Variants in AQR observed in about 807,000 individuals in gnomAD.
AQR encodes the protein aquarius intron-binding spliceosomal factor.
In AQR, 61 loss-of-function variants were observed where a neutral mutation model predicts 180.5. That is an observed-to-expected ratio of 0.34 (90% CI 0.28 to 0.42). AQR has a LOEUF of 0.42. Ranked by LOEUF, AQR falls within the 10% of genes least tolerant of loss-of-function variation. The probability of loss-of-function intolerance (pLI) is 1.00; values close to 1 mark genes in which losing one functional copy is unlikely to be tolerated. For synonymous variants in AQR, 551 were observed against 588.8 expected (o/e 0.94, Z 0.93); for missense variants, 1,281 against 1,798.3 (o/e 0.71, Z 5.20).
At chr15:34,939,079 T>G (rs1893985956) in intron 8 of AQR, among the ~76,000 whole-genome samples, 1 of 152,180 alleles carries the variant, frequency 6.6e-6, no homozygotes, top group African/African-American at 2.4e-5. Flanking sequence ...TCTGCTTTTT[T>G]TGTTTTTGAG....
At chr15:34,874,061 A>G in intron 29 of AQR, 62 bp from the exon 30 acceptor site, 4 of 1,409,836 alleles carry the variant, frequency 2.8e-6, no homozygotes, top group Non-Finnish European at 3.8e-6. Flanking sequence ...CTCTTTTAAT[A>G]TACATAAGGA....
At chr15:34,942,149 A>C in intron 6 of AQR, 69 bp from the exon 7 acceptor site, 1 of 1,195,274 alleles carries the variant, frequency 8.4e-7, no homozygotes, top group Non-Finnish European at 1.2e-6. Context: ...TTACATAAGA[A>C]GTATACTGCC....
intron 27 of AQR, among the ~76,000 whole-genome samples, chr15:34,877,214 T>C (rs7178063): frequency 0.027 from 4,133 of 152,344 alleles, 198 homozygotes; most frequent in African/African-American, 0.093. Context: ...ATATGTTTTA[T>C]CTTTCCTATT....
At chr15:34,895,886 G>A (rs1294509113) in intron 22 of AQR, among the ~76,000 whole-genome samples, 1 of 152,064 alleles carries the variant, frequency 6.6e-6, no homozygotes, top group Non-Finnish European at 1.5e-5. Context: ...ACCTACTCCA[G>A]AACAACAGAA....
chr15:34,959,045 G>A (rs960535924), intron 3 of AQR, among the ~76,000 whole-genome samples: 23 of 151,956 alleles, frequency 1.5e-4, no homozygotes, highest in Middle Eastern at 3.4e-3. Flanking sequence ...CTGTCTGTCC[G>A]TCTGTCTGAC....
intron 25 of AQR, among the ~76,000 whole-genome samples, chr15:34,885,610 T>C (rs1453994106): frequency 6.6e-6 from 1 of 152,196 alleles, no homozygotes. Context: ...AATTTATAGG[T>C]TATTTTTCCC....
intron 22 of AQR, 97 bp from the exon 23 acceptor site, chr15:34,893,870 C>T: frequency 9.8e-7 from 1 of 1,021,910 alleles, no homozygotes; most frequent in African/African-American, 1.6e-5. Context: ...ATAAAATTAA[C>T]AAATTCAGTA....
intron 30 of AQR, among the ~76,000 whole-genome samples, chr15:34,872,958 A>T (rs533391863): frequency 1.3e-5 from 2 of 152,138 alleles, no homozygotes; most frequent in African/African-American, 4.8e-5. Flanking sequence ...ATGTATTTCT[A>T]TATGTATGTA....
At chr15:34,944,479 C>A in intron 5 of AQR, 51 bp from the exon 6 acceptor site, 1 of 1,518,950 alleles carries the variant, frequency 6.6e-7, no homozygotes, top group Non-Finnish European at 8.8e-7. Flanking sequence ...CTCACTTAAG[C>A]TTTAAAGAAG....
intron 11 of AQR, 28 bp from the exon 12 acceptor site, chr15:34,930,399 T>TGAA (rs1191656229): frequency 7.7e-7 from 1 of 1,294,992 alleles, no homozygotes; most frequent in Non-Finnish European, 1.1e-6. Context: ...CATGTATAAA[T>TGAA]CATATGAACA....
chr15:34,950,560 T>C (rs1316548914), intron 4 of AQR, among the ~76,000 whole-genome samples: 1 of 150,082 alleles, frequency 6.7e-6, no homozygotes, highest in African/African-American at 2.4e-5. Flanking sequence ...CCCCCACGTC[T>C]ATCCATTTTT....
At chr15:34,957,041 C>T (rs1207394174) in intron 3 of AQR, among the ~76,000 whole-genome samples, 1 of 152,102 alleles carries the variant, frequency 6.6e-6, no homozygotes, top group Non-Finnish European at 1.5e-5. Flanking sequence ...GTGTAATGTA[C>T]CATACAGTAA....
Position 34,854,120 on chromosome 15 carries a change from A to G in AQR, c.*2672T>C, listed in dbSNP as rs1232486339. The G allele has an allele frequency of 1.3e-5, 2 of 150,870 alleles. No individual in the cohort carries two copies. The highest frequency in any genetic ancestry group is 2.9e-5 in the Non-Finnish European group (2 of 67,824). 9.3% of individuals were successfully genotyped at this position (150,870 alleles called of 1,614,324 possible). A position where few individuals can be genotyped will look rare whatever the true frequency, so the allele number is the denominator to read the frequency against. On this transcript the variant is annotated 3_prime_UTR_variant, in exon 35 of 35. Transcript: ENST00000156471. ...AAATCAATAGAGCTATTTATCCTCA[A>G]CTGTTGGCAATGAACTTTCTTAACT...
chr15:34,890,472 A>C (rs1382766815), intron 23 of AQR, 148 bp from the exon 24 acceptor site: 8 of 627,764 alleles, frequency 1.3e-5, no homozygotes, highest in Non-Finnish European at 2.1e-5. Flanking sequence ...TTGATTTCTG[A>C]TATTGCCATC....
intron 27 of AQR, 21 bp downstream of exon 27, chr15:34,882,481 A>C (rs969918027): frequency 2.0e-6 from 3 of 1,469,232 alleles, no homozygotes; most frequent in African/African-American, 2.9e-5. Context: ...AAAAAAAAAA[A>C]AAACTACCAT....
At chr15:34,879,027 C>CAA (rs746355296) in intron 27 of AQR, among the ~76,000 whole-genome samples, 16 of 126,666 alleles carry the variant, frequency 1.3e-4, no homozygotes, top group East Asian at 2.3e-4. Context: ...GGCTCTGTCT[C>CAA]AAAAAAAAAA....
intron 18 of AQR, among the ~76,000 whole-genome samples, chr15:34,906,018 A>G (rs1893409237): frequency 6.6e-6 from 1 of 152,150 alleles, no homozygotes; most frequent in Non-Finnish European, 1.5e-5. Context: ...TGGTTGACAG[A>G]GCAAAACTCC....
rs529213251 is a variant in AQR, at chr15:34,896,331, G to A, written c.2460+566C>T. On this transcript the variant is annotated intron_variant, in intron 22 of 34. Transcript: ENST00000156471. ...ACATCACATCATACCCCATAAATAAGTACAATCATGTCAATTAAAAATAAA... is the reference window on the plus strand; with the variant it reads ...ACATCACATCATACCCCATAAATAAATACAATCATGTCAATTAAAAATAAA... Among the ~76,000 whole-genome samples the A allele has an allele frequency of 2.0e-5, 3 of 152,174 alleles. No individual in the cohort carries two copies. In the South Asian group the frequency reaches 6.2e-4, roughly 32 times the overall value.
chr15:34,955,449 A>G (rs1894296521), intron 3 of AQR, among the ~76,000 whole-genome samples: 1 of 152,200 alleles, frequency 6.6e-6, no homozygotes, highest in Non-Finnish European at 1.5e-5. Flanking sequence ...ACTATGTGAA[A>G]TACGAGGTCT....
Sources: gnomAD v4.1 joint callset for allele counts (sites outside exome capture counted in the v4.1 genomes callset) on GRCh38, gnomAD v4.1.1 for gene constraint, MANE v1.5 for transcripts, NCBI Gene and HGNC (gene_info 2026-07-23, HGNC 2026-07-21) for gene names.